ADCY8: variants seen among roughly 807,000 people sequenced by gnomAD.
ADCY8 encodes the protein adenylate cyclase type 8.
In ADCY8, 51 loss-of-function variants were observed where a neutral mutation model predicts 119.7. That is an observed-to-expected ratio of 0.43 (90% CI 0.34 to 0.54). ADCY8 has a LOEUF of 0.54. ADCY8 is among the 20% of genes least tolerant of loss of function. The pLI is 0.03. For missense variants in ADCY8, 1,383 were observed against 1,598.8 expected (o/e 0.87, Z 2.30); for synonymous variants, 665 against 651.0 (o/e 1.02, Z -0.33).
At chr8:130,945,002 T>G (rs1821066024) in intron 3 of ADCY8, among the ~76,000 whole-genome samples, 1 of 152,154 alleles carries the variant, frequency 6.6e-6, no homozygotes, top group African/African-American at 2.4e-5. Context: ...AGTCTCCCAG[T>G]AGAGAAAAGT....
At chr8:130,909,675 G>A (rs1234680653) in intron 6 of ADCY8, 33 bp downstream of exon 6, 18 of 1,612,940 alleles carry the variant, frequency 1.1e-5, no homozygotes, top group South Asian at 6.6e-5. Flanking sequence ...AATGACAACC[G>A]TTAAGCATGA....
At chr8:130,935,562 G>C (rs1214807416) in intron 5 of ADCY8, 2 of 152,196 alleles carry the variant, frequency 1.3e-5, no homozygotes, top group African/African-American at 4.8e-5. Context: ...GCTCCTTTTT[G>C]CAAGACAATG....
chr8:130,807,083 G>T (rs1815985148), intron 14 of ADCY8, among the ~76,000 whole-genome samples: 1 of 152,210 alleles, frequency 6.6e-6, no homozygotes, highest in South Asian at 2.1e-4. Flanking sequence ...TCTTCCTCTG[G>T]TTGGTCGAAG....
intron 14 of ADCY8, among the ~76,000 whole-genome samples, chr8:130,813,390 C>A (rs906069396): frequency 6.6e-6 from 1 of 152,104 alleles, no homozygotes. Flanking sequence ...AACTCCAATT[C>A]TCCCCTCCCT....
chr8:130,864,718 T>G lies in ADCY8; in HGVS notation c.2210+3128A>C, dbSNP rs77507550. On this transcript the variant is annotated intron_variant, in intron 9 of 17. Transcript: ENST00000286355. ...TATCCTTTCCTTTTATTTCCTTTGATTTTCTTAGAGTTTCCATCTCTCTGT... is the reference window on the plus strand; with the variant it reads ...TATCCTTTCCTTTTATTTCCTTTGAGTTTCTTAGAGTTTCCATCTCTCTGT... Among the ~76,000 whole-genome samples, 379 of 152,254 alleles carry G rather than the reference T, an allele frequency of 2.5e-3. 1 individual carries two copies. Among genetic ancestry groups the G allele is most frequent in the African/African-American group, 8.7e-3 (362 of 41,556 alleles).
chr8:130,952,046 T>A (rs1362991168), intron 2 of ADCY8, 48 bp from the exon 3 acceptor site: 6 of 1,605,708 alleles, frequency 3.7e-6, no homozygotes, highest in Non-Finnish European at 5.1e-6. Context: ...CCAGCGAGTC[T>A]CAGATGGGAG....
chr8:130,836,106 A>G (rs1411646729), intron 12 of ADCY8, among the ~76,000 whole-genome samples, 171 bp downstream of exon 12: 1 of 152,176 alleles, frequency 6.6e-6, no homozygotes, highest in Non-Finnish European at 1.5e-5. Flanking sequence ...TACCACTGAA[A>G]AGTCAGGATT....
chr8:130,981,498 A>G (rs948063474), intron 2 of ADCY8, among the ~76,000 whole-genome samples: 1 of 152,130 alleles, frequency 6.6e-6, no homozygotes, highest in Admixed American at 6.5e-5. Flanking sequence ...CAATTTCTTT[A>G]GTCAAAATTA....
chr8:130,842,469 T>C (rs1262225171), intron 11 of ADCY8, among the ~76,000 whole-genome samples: 2 of 152,324 alleles, frequency 1.3e-5, no homozygotes, highest in Middle Eastern at 3.4e-3. Flanking sequence ...TATTTTATTA[T>C]TTTTTAATTT....
intron 5 of ADCY8, among the ~76,000 whole-genome samples, chr8:130,921,221 C>T (rs12678961): frequency 1.3e-5 from 2 of 152,136 alleles, no homozygotes; most frequent in African/African-American, 2.4e-5. Flanking sequence ...GCTTTATGTC[C>T]TTTCTTTTTA....
chr8:130,802,743 G>A (rs149018926), intron 14 of ADCY8, among the ~76,000 whole-genome samples: 7 of 152,330 alleles, frequency 4.6e-5, no homozygotes, highest in Admixed American at 2.0e-4. Flanking sequence ...GTCAACCCTT[G>A]TGTTTCTTCT....
intron 9 of ADCY8, 130 bp downstream of exon 9, chr8:130,867,716 C>T (rs1818177352): frequency 1.8e-6 from 1 of 545,440 alleles, no homozygotes; most frequent in African/African-American, 1.9e-5. Context: ...TTGATACTGT[C>T]AAACATTTTG....
chr8:130,913,006 A>G (rs1287009093), intron 5 of ADCY8, among the ~76,000 whole-genome samples: 2 of 152,174 alleles, frequency 1.3e-5, no homozygotes, highest in Non-Finnish European at 2.9e-5. Flanking sequence ...GCCCACTACT[A>G]TACTATTCAA....
intron 1 of ADCY8, among the ~76,000 whole-genome samples, chr8:130,996,522 A>G (rs1197786192): frequency 2.0e-5 from 3 of 152,178 alleles, no homozygotes; most frequent in Non-Finnish European, 4.4e-5. Flanking sequence ...TATGCTGTAT[A>G]GAAACAGACA....
chr8:130,897,882 A>C (rs1819458440), intron 7 of ADCY8, among the ~76,000 whole-genome samples: 2 of 151,544 alleles, frequency 1.3e-5, no homozygotes, highest in Non-Finnish European at 2.9e-5. Flanking sequence ...CATACACCAC[A>C]TACATACCGT....
At chr8:130,967,496 G>T (rs988203066) in intron 2 of ADCY8, among the ~76,000 whole-genome samples, 1 of 152,152 alleles carries the variant, frequency 6.6e-6, no homozygotes, top group East Asian at 1.9e-4. Context: ...GGATTGTTTA[G>T]ACTAAATGAC....
chr8:130,822,601 G>T (rs1042847930), intron 12 of ADCY8, among the ~76,000 whole-genome samples: 1 of 142,162 alleles, frequency 7.0e-6, no homozygotes, highest in African/African-American at 2.6e-5. Context: ...CATCCTTCCA[G>T]CCATCCACCA....
chr8:130,948,583 T>C (rs1349672601), intron 3 of ADCY8, among the ~76,000 whole-genome samples: 16 of 148,196 alleles, frequency 1.1e-4, no homozygotes, highest in Non-Finnish European at 2.1e-4. Flanking sequence ...TAAACAGTGG[T>C]ATGAAATGTA....
At chr8:130,900,080 A>AG in intron 7 of ADCY8, among the ~76,000 whole-genome samples, 1 of 152,238 alleles carries the variant, frequency 6.6e-6, no homozygotes, top group Non-Finnish European at 1.5e-5. Flanking sequence ...GATCTGAGTC[A>AG]GGGTTCAGGA....
Sources: allele counts gnomAD v4.1 joint callset (sites outside exome capture counted in the v4.1 genomes callset), GRCh38; gene constraint gnomAD v4.1.1; transcripts MANE v1.5; gene names NCBI Gene and HGNC (gene_info 2026-07-23, HGNC 2026-07-21).